Variants in LRRC49 observed in about 807,000 individuals in gnomAD.
The protein encoded by LRRC49 is leucine-rich repeat-containing protein 49.
LRRC49 carries 50 observed loss-of-function variants against 83.3 expected under a neutral mutation model. The observed-to-expected ratio is 0.60, with a 90% confidence interval of 0.48 to 0.76. The LOEUF (loss-of-function observed/expected upper bound fraction) is 0.76, where lower values mean the gene tolerates loss of function less well. Ranked by LOEUF, LRRC49 falls within the 30% of genes least tolerant of loss-of-function variation. The pLI is 0.00. For synonymous variants in LRRC49, 286 were observed against 283.3 expected (o/e 1.01, Z -0.10); for missense variants, 704 against 809.1 (o/e 0.87, Z 1.58).
chr15:71,011,338 A>C (rs2141264539), intron 13 of LRRC49, among the ~76,000 whole-genome samples: 1 of 152,092 alleles, frequency 6.6e-6, no homozygotes, highest in East Asian at 1.9e-4. Flanking sequence ...AGTTAACCCT[A>C]AATGGTGTAT....
At chr15:70,959,945 A>G (rs1393691401) in intron 8 of LRRC49, among the ~76,000 whole-genome samples, 1 of 152,244 alleles carries the variant, frequency 6.6e-6, no homozygotes, top group African/African-American at 2.4e-5. Context: ...GAATGGAAGA[A>G]TAACAGGAAG....
upstream of LRRC49, chr15:70,892,124 C>T: frequency 6.2e-7 from 1 of 1,613,888 alleles, no homozygotes; most frequent in Non-Finnish European, 8.5e-7. Context: ...GATGACCGAG[C>T]GGTCATTGCC....
chr15:71,037,428 C>A (rs778822614), intron 15 of LRRC49, 96 bp downstream of exon 15: 70 of 1,020,464 alleles, frequency 6.9e-5, no homozygotes, highest in Non-Finnish European at 9.2e-5. Context: ...GTTAAGATAA[C>A]TTTTTTGTTC....
intron 14 of LRRC49, among the ~76,000 whole-genome samples, chr15:71,031,995 G>T (rs1039833016): frequency 2.6e-5 from 4 of 152,188 alleles, no homozygotes; most frequent in African/African-American, 9.7e-5. Flanking sequence ...CTTTCCAGGG[G>T]AGTGAACGGT....
At chr15:70,975,030 G>A (rs2037156957) in intron 9 of LRRC49, among the ~76,000 whole-genome samples, 1 of 152,176 alleles carries the variant, frequency 6.6e-6, no homozygotes, top group Non-Finnish European at 1.5e-5. Context: ...TATGAGATGT[G>A]ATTATTAAAA....
chr15:70,917,356 G>A (rs755181537), intron 6 of LRRC49, among the ~76,000 whole-genome samples: 19 of 152,144 alleles, frequency 1.2e-4, no homozygotes, highest in African/African-American at 7.2e-5. Flanking sequence ...GCCTGTGGCC[G>A]CCCATGGGCC....
intron 3 of LRRC49, among the ~76,000 whole-genome samples, chr15:70,896,525 A>T (rs1307953415): frequency 6.6e-6 from 1 of 152,168 alleles, no homozygotes; most frequent in Non-Finnish European, 1.5e-5. Context: ...TTTGTGGGTC[A>T]TCCTTTGACA....
chr15:70,944,458 G>A (rs767262308), intron 8 of LRRC49, among the ~76,000 whole-genome samples: 24 of 151,984 alleles, frequency 1.6e-4, no homozygotes, highest in Non-Finnish European at 3.1e-4. Context: ...AGGCTGTAGT[G>A]CACTGGCGCG....
intron 8 of LRRC49, among the ~76,000 whole-genome samples, chr15:70,961,870 A>G (rs2036612111): frequency 6.6e-6 from 1 of 152,188 alleles, no homozygotes; most frequent in Non-Finnish European, 1.5e-5. Context: ...ATTAAAAAGT[A>G]AGCCTTAATA....
At chr15:70,876,347 C>T (rs1458123867) in intron 2 of LRRC49, among the ~76,000 whole-genome samples, 1 of 152,216 alleles carries the variant, frequency 6.6e-6, no homozygotes, top group African/African-American at 2.4e-5. Flanking sequence ...ACCCTTAGAA[C>T]AGTGCTTGGC....
rs2036825811 is a variant in LRRC49 at position 70,967,257 on chromosome 15, T to G, written c.921+3325T>G. ...AGGACAGGCAAGGACTAGGGCATTT[T>G]ATATCATAATAAGGAGTTTAGATTT... On this transcript the variant is annotated intron_variant, in intron 9 of 15. Coordinates refer to ENST00000260382, the MANE Select transcript of LRRC49 (RefSeq NM_017691.5). Among the ~76,000 whole-genome samples, 3 of 152,132 alleles carry G rather than the reference T, an allele frequency of 2.0e-5. No homozygotes were observed. In the South Asian group the frequency reaches 6.2e-4, roughly 32 times the overall value.
intron 2 of LRRC49, among the ~76,000 whole-genome samples, chr15:70,875,198 C>T (rs2033127177): frequency 6.6e-6 from 1 of 152,154 alleles, no homozygotes; most frequent in Non-Finnish European, 1.5e-5. Flanking sequence ...ATTCGGCTGC[C>T]CAGCAGTTCT....
At chr15:71,022,600 G>A (rs1291682435) in intron 14 of LRRC49, among the ~76,000 whole-genome samples, 1 of 152,078 alleles carries the variant, frequency 6.6e-6, no homozygotes, top group Non-Finnish European at 1.5e-5. Flanking sequence ...AAATAAAAAG[G>A]ATCATTTCAA....
intron 1 of LRRC49, among the ~76,000 whole-genome samples, chr15:70,861,043 T>C (rs1306689459): frequency 6.6e-6 from 1 of 152,176 alleles, no homozygotes; most frequent in African/African-American, 2.4e-5. Context: ...TCTGGATTTG[T>C]TTGCTGGGCT....
intron 2 of LRRC49, among the ~76,000 whole-genome samples, chr15:70,884,429 A>G (rs535968193): frequency 2.3e-4 from 35 of 152,110 alleles, no homozygotes; most frequent in Non-Finnish European, 4.1e-4. Flanking sequence ...CTGAGGCACA[A>G]TAATTGCTTG....
intron 11 of LRRC49, among the ~76,000 whole-genome samples, chr15:71,004,948 A>AT (rs1226465372): frequency 1.3e-5 from 2 of 152,156 alleles, no homozygotes; most frequent in African/African-American, 4.8e-5. Flanking sequence ...TAGGCTTAAT[A>AT]TCTGGGTGAT....
At chr15:70,871,570 C>T (rs905987808) in intron 1 of LRRC49, among the ~76,000 whole-genome samples, 3 of 149,268 alleles carry the variant, frequency 2.0e-5, no homozygotes, top group African/African-American at 7.4e-5. Context: ...CGCGGCTGGC[C>T]GGGCGGGGGC....
intron 7 of LRRC49, among the ~76,000 whole-genome samples, chr15:70,928,849 G>A (rs950980735): frequency 7.2e-5 from 11 of 152,160 alleles, no homozygotes; most frequent in African/African-American, 2.7e-4. Flanking sequence ...ACAGGCATGA[G>A]CCCCCGTGCC....
intron 14 of LRRC49, among the ~76,000 whole-genome samples, chr15:71,019,407 G>A (rs1460744803): frequency 2.0e-5 from 3 of 152,162 alleles, no homozygotes; most frequent in Non-Finnish European, 4.4e-5. Context: ...GAGAATACAG[G>A]GATGGACAAA....
Sources: allele counts gnomAD v4.1 joint callset (sites outside exome capture counted in the v4.1 genomes callset), GRCh38; gene constraint gnomAD v4.1.1; transcripts MANE v1.5; gene names NCBI Gene and HGNC (gene_info 2026-07-23, HGNC 2026-07-21).